The following MYO3B variants were observed in gnomAD, a reference collection of about 807,000 sequenced individuals.
The protein encoded by MYO3B is myosin-IIIb.
Under a neutral mutation model 174.6 loss-of-function variants are expected in MYO3B, and 156 were observed. The observed-to-expected ratio is 0.89, with a 90% confidence interval of 0.78 to 1.02. MYO3B has a LOEUF of 1.02. MYO3B is among the 50% of genes least tolerant of loss of function. The pLI is 0.00. For synonymous variants in MYO3B, 563 were observed against 569.1 expected, an observed-to-expected ratio of 0.99 and a Z score of 0.15; for missense variants, 1,632 against 1,639.4, an observed-to-expected ratio of 1.00 and a Z score of 0.08.
intron 7 of MYO3B, among the ~76,000 whole-genome samples, chr2:170,289,625 T>C (rs2093582413): frequency 6.6e-6 from 1 of 152,054 alleles, no homozygotes; most frequent in Non-Finnish European, 1.5e-5. Context: ...TAAAGGTTTG[T>C]CAATTTTTTT....
intron 22 of MYO3B, among the ~76,000 whole-genome samples, chr2:170,419,435 TA>T (rs1461927221): frequency 6.6e-6 from 1 of 152,206 alleles, no homozygotes; most frequent in Non-Finnish European, 1.5e-5. Context: ...CATAATGGAT[TA>T]GGACCCACTC....
intron 6 of MYO3B, among the ~76,000 whole-genome samples, chr2:170,228,381 C>T (rs975542579): frequency 6.6e-6 from 1 of 152,136 alleles, no homozygotes; most frequent in Admixed American, 6.5e-5. Context: ...TTTCATTGTC[C>T]ATCTCTGTAT....
chr2:170,555,235 C>T (rs1691204347), intron 32 of MYO3B, among the ~76,000 whole-genome samples: 1 of 152,148 alleles, frequency 6.6e-6, no homozygotes, highest in Non-Finnish European at 1.5e-5. Context: ...CTTGTATTAG[C>T]ATGGTTCATT....
At chr2:170,623,673 C>T (rs771913628) in intron 32 of MYO3B, among the ~76,000 whole-genome samples, 6 of 152,138 alleles carry the variant, frequency 3.9e-5, no homozygotes, top group Non-Finnish European at 7.4e-5. Flanking sequence ...AATGGTATTG[C>T]CTAGGTTTTC....
intron 32 of MYO3B, among the ~76,000 whole-genome samples, chr2:170,558,301 TCCA>T (rs1691479700): frequency 6.9e-6 from 1 of 144,260 alleles, no homozygotes; most frequent in Admixed American, 7.0e-5. Context: ...AGACTCTGTC[TCCA>T]AAAAAAAAAA....
intron 32 of MYO3B, among the ~76,000 whole-genome samples, chr2:170,637,547 G>A (rs1280079710): frequency 1.1e-4 from 17 of 152,292 alleles, no homozygotes; most frequent in African/African-American, 4.1e-4. Context: ...CTTGAGTCCA[G>A]TGGAGAAATT....
chr2:170,324,554 T>C (rs1455446230), intron 7 of MYO3B, among the ~76,000 whole-genome samples: 1 of 152,358 alleles, frequency 6.6e-6, no homozygotes, highest in African/African-American at 2.4e-5. Context: ...AAGCCCCAAA[T>C]TGAAATTCCT....
At chr2:170,212,331 G>A (rs374226128) in intron 3 of MYO3B, among the ~76,000 whole-genome samples, 1 of 151,990 alleles carries the variant, frequency 6.6e-6, no homozygotes, top group African/African-American at 2.4e-5. Context: ...TTGGGAGCTG[G>A]GGAGCCACCA....
At chr2:170,366,906 G>A (rs926571976) in intron 8 of MYO3B, among the ~76,000 whole-genome samples, 2 of 152,084 alleles carry the variant, frequency 1.3e-5, no homozygotes, top group African/African-American at 4.8e-5. Flanking sequence ...ATGGAGTATG[G>A]GTTTCCTAGT....
chr2:170,447,620 A>G (rs1369359140), intron 23 of MYO3B, among the ~76,000 whole-genome samples: 1 of 152,266 alleles, frequency 6.6e-6, no homozygotes, highest in South Asian at 2.1e-4. Flanking sequence ...TATATAAACC[A>G]CATCGGGTGG....
At chr2:170,539,765 G>A (rs1347810130) in intron 30 of MYO3B, among the ~76,000 whole-genome samples, 1 of 151,884 alleles carries the variant, frequency 6.6e-6, no homozygotes, top group Non-Finnish European at 1.5e-5. Context: ...GACTACGGGT[G>A]CACATCACTA....
chr2:170,486,581 G>A (rs1331304671), intron 25 of MYO3B, among the ~76,000 whole-genome samples: 5 of 152,198 alleles, frequency 3.3e-5, no homozygotes, highest in African/African-American at 4.8e-5. Flanking sequence ...GATTACAGGC[G>A]TGAGCCACCG....
chr2:170,278,149 A>G (rs2093477176), intron 7 of MYO3B, among the ~76,000 whole-genome samples: 1 of 152,168 alleles, frequency 6.6e-6, no homozygotes, highest in African/African-American at 2.4e-5. Flanking sequence ...TTTGGAGACA[A>G]TCTGTAGCCT....
chr2:170,430,356 A>AT (rs1293969364), intron 22 of MYO3B, among the ~76,000 whole-genome samples: 4 of 144,490 alleles, frequency 2.8e-5, no homozygotes, highest in African/African-American at 2.6e-5. Context: ...TTCCATAAAA[A>AT]TTTTTTTTTC....
chr2:170,596,574 T>C (rs980258677), intron 32 of MYO3B, among the ~76,000 whole-genome samples: 4 of 152,242 alleles, frequency 2.6e-5, no homozygotes, highest in African/African-American at 9.6e-5. Flanking sequence ...TAATTCTGAC[T>C]ACATGTTTTC....
At chr2:170,529,115 A>G (rs1180517430) in intron 30 of MYO3B, among the ~76,000 whole-genome samples, 1 of 152,140 alleles carries the variant, frequency 6.6e-6, no homozygotes, top group African/African-American at 2.4e-5. Context: ...TATTTTTAGC[A>G]TGATAATGCC....
At chr2:170,383,223 A>G in intron 11 of MYO3B, 34 bp downstream of exon 11, 1 of 1,298,534 alleles carries the variant, frequency 7.7e-7, no homozygotes, top group Admixed American at 1.8e-5. Context: ...CTGCTCCTTA[A>G]TAGGAAATTA....
intron 7 of MYO3B, among the ~76,000 whole-genome samples, chr2:170,302,561 T>A (rs2093672796): frequency 6.6e-6 from 1 of 152,234 alleles, no homozygotes; most frequent in Admixed American, 6.5e-5. Context: ...CTCCAAACTC[T>A]TAAAGCTGTA....
Position 170,466,630 on chromosome 2 carries a change from G to C in MYO3B, c.2933G>C (p.Arg978Pro). ...FSRERVLAQL[R>P]STGILETVSI... ...CGAGAGAGGGTGCTGGCCCAGCTCCGCTCCACAGGGATTCTGGAGACAGTC... is the reference window on the plus strand; with the variant it reads ...CGAGAGAGGGTGCTGGCCCAGCTCCCCTCCACAGGGATTCTGGAGACAGTC... Residue 978 changes from arginine (R) to proline (P), a missense_variant, in exon 25 of 35, where the codon CGC becomes CCC. By Grantham distance (103) the Arg-to-Pro change is moderately radical. Coordinates refer to ENST00000408978, the MANE Select transcript of MYO3B (RefSeq NM_138995.5). The C allele has an allele frequency of 6.2e-7, 1 of 1,614,184 alleles. No homozygotes were observed. The highest frequency in any genetic ancestry group is 8.5e-7 in the Non-Finnish European group (1 of 1,180,038).
Sources: allele counts gnomAD v4.1 joint callset (sites outside exome capture counted in the v4.1 genomes callset), GRCh38; gene constraint gnomAD v4.1.1; transcripts MANE v1.5; gene names NCBI Gene and HGNC (gene_info 2026-07-23, HGNC 2026-07-21).